FILIP1L: variants seen among roughly 807,000 people sequenced by gnomAD.
FILIP1L encodes the protein filamin A interacting protein 1 like.
In FILIP1L, 55 loss-of-function variants were observed where a neutral mutation model predicts 96.6. The ratio of observed to expected loss-of-function variants is 0.57; its 90% confidence interval spans 0.46 to 0.71. The LOEUF is 0.71. Ranked by LOEUF, FILIP1L falls within the 30% of genes least tolerant of loss-of-function variation. The pLI, the probability that FILIP1L is intolerant of heterozygous loss-of-function variation, is 0.00. For missense variants in FILIP1L, 1,304 were observed against 1,321.2 expected, an observed-to-expected ratio of 0.99 and a Z score of 0.20; for synonymous variants, 467 against 473.9, an observed-to-expected ratio of 0.99 and a Z score of 0.19.
At chr3:99,954,185 A>G (rs1043500734) in intron 1 of FILIP1L, among the ~76,000 whole-genome samples, 1 of 152,242 alleles carries the variant, frequency 6.6e-6, no homozygotes, top group Non-Finnish European at 1.5e-5. Flanking sequence ...ACAAACTTGA[A>G]GATCAGGAAG....
At chr3:100,008,796 C>T (rs1383824274) in intron 1 of FILIP1L, among the ~76,000 whole-genome samples, 1 of 152,088 alleles carries the variant, frequency 6.6e-6, no homozygotes, top group East Asian at 1.9e-4. Flanking sequence ...ATTTTGCGTG[C>T]AGAAATAGCA....
intron 1 of FILIP1L, among the ~76,000 whole-genome samples, chr3:100,011,984 G>A (rs1225387552): frequency 2.6e-5 from 4 of 152,162 alleles, no homozygotes; most frequent in East Asian, 3.9e-4. Flanking sequence ...CTGATATTTC[G>A]ATTATGATAA....
chr3:100,084,612 A>ATG (rs1281824662), intron 1 of FILIP1L, among the ~76,000 whole-genome samples: 1 of 152,186 alleles, frequency 6.6e-6, no homozygotes, highest in African/African-American at 2.4e-5. Flanking sequence ...AGAGGAACTG[A>ATG]TGTGGTTTTA....
At chr3:99,993,693 C>T (rs963328483) in intron 1 of FILIP1L, among the ~76,000 whole-genome samples, 3 of 152,042 alleles carry the variant, frequency 2.0e-5, no homozygotes, top group Non-Finnish European at 4.4e-5. Context: ...TAAAAGGATG[C>T]TGAATTTTAT....
intron 1 of FILIP1L, among the ~76,000 whole-genome samples, chr3:100,087,832 CTTT>C (rs755041519): frequency 6.1e-5 from 7 of 114,114 alleles, no homozygotes; most frequent in Admixed American, 9.6e-5. Context: ...ATTGTTTCAA[CTTT>C]TTTTTTTTTT....
In FILIP1L at chr3:99,924,150, T is replaced by C. The variant is rs74770467; in HGVS notation, c.605+80A>G. 3.2e-4 allele frequency: 368 copies of C among 1,164,326 alleles called. No homozygotes were observed. In the African/African-American group the frequency reaches 5.1e-3, roughly 16 times the overall value. 72.1% of individuals were successfully genotyped at this position (1,164,326 alleles called of 1,614,324 possible). ...GAGAACAGAGACTGTGTCATATTTA[T>C]CTTTGTATCCCTGAGACCTGGTACA... On this transcript the variant is annotated intron_variant, in intron 4 of 5. Coordinates refer to ENST00000477258, the MANE Select transcript of FILIP1L (RefSeq NM_001387850.1).
rs1367890707 is a variant in FILIP1L at position 99,849,884 on chromosome 3, T to C, written c.1792A>G (p.Ile598Val). 6.2e-7 allele frequency: 1 copy of C among 1,611,802 alleles called. No homozygotes were observed. The highest frequency in any genetic ancestry group is 8.5e-7 in the Non-Finnish European group (1 of 1,179,590). ...TTGTTTTTTAGGAAATCTTTCTCAA[T>C]TGCTTCCAATGATTGAAGCCTATTT... is the stretch of plus-strand genomic sequence containing the variant. Reference protein sequence around the residue: ...LKNRLQSLEAIEKDFLKNKLN... With the variant: ...LKNRLQSLEAVEKDFLKNKLN... The change falls in exon 5 of 6, where the codon ATT becomes GTT. Residue 598 changes from isoleucine to valine, a missense_variant. Physicochemically the swap from Ile to Val is conservative, Grantham distance 29. Coordinates refer to ENST00000477258, the MANE Select transcript of FILIP1L (RefSeq NM_001387850.1).
At chr3:99,966,919 T>C (rs1021424693) in intron 1 of FILIP1L, among the ~76,000 whole-genome samples, 1 of 152,054 alleles carries the variant, frequency 6.6e-6, no homozygotes, top group African/African-American at 2.4e-5. Context: ...TGGGTGAAAA[T>C]AGATGGAGTA....
chr3:100,047,003 A>G (rs533030185), intron 1 of FILIP1L, among the ~76,000 whole-genome samples: 41 of 152,382 alleles, frequency 2.7e-4, no homozygotes, highest in Admixed American at 2.4e-3. Context: ...ATAATTGACT[A>G]TCAACAGTGC....
intron 1 of FILIP1L, among the ~76,000 whole-genome samples, chr3:99,999,045 C>T (rs1273541489): frequency 2.0e-5 from 3 of 152,206 alleles, no homozygotes; most frequent in Non-Finnish European, 2.9e-5. Flanking sequence ...TTCCGTGCCT[C>T]CCATAGGCAC....
intron 4 of FILIP1L, among the ~76,000 whole-genome samples, chr3:99,865,055 G>T (rs1349638794): frequency 6.6e-6 from 1 of 152,086 alleles, no homozygotes; most frequent in African/African-American, 2.4e-5. Context: ...TTTGAAATAG[G>T]TACCATATTT....
chr3:100,091,034 C>A (rs764918566), intron 1 of FILIP1L, among the ~76,000 whole-genome samples: 28 of 152,234 alleles, frequency 1.8e-4, no homozygotes, highest in Admixed American at 2.0e-4. Context: ...GCCTGTAATC[C>A]CAGAACTTTG....
rs997549365 is a variant in FILIP1L, at chr3:99,924,363, G to A, written c.472C>T (p.Leu158=). Residue 158 remains leucine, a synonymous_variant, in exon 4 of 6, where the codon CTG becomes TTG. Transcript: ENST00000477258. ...TTTTCTGCCACTAAAAGCTGTCCCA[G>A]GATTCGTCTGTAAGATTCTTTATGT... ...EKHKESYRRI[L]GQLLVAEKSR... The A allele has an allele frequency of 1.2e-6, 2 of 1,614,090 alleles. No individual in the cohort carries two copies. Among genetic ancestry groups the A allele is most frequent in the South Asian group, 1.1e-5 (1 of 91,056 alleles).
chr3:100,107,021 A>G (rs2066407393), intron 1 of FILIP1L, among the ~76,000 whole-genome samples: 1 of 152,182 alleles, frequency 6.6e-6, no homozygotes, highest in Non-Finnish European at 1.5e-5. Flanking sequence ...AAGAATAAAT[A>G]CTTATGGATT....
At chr3:99,858,020 A>G (rs954349749) in intron 4 of FILIP1L, among the ~76,000 whole-genome samples, 6 of 152,198 alleles carry the variant, frequency 3.9e-5, no homozygotes, top group African/African-American at 1.4e-4. Context: ...TTCCAGCACA[A>G]TTCAGTAAAG....
At chr3:99,936,623 C>T (rs543361896) in intron 1 of FILIP1L, among the ~76,000 whole-genome samples, 4 of 149,380 alleles carry the variant, frequency 2.7e-5, no homozygotes, top group African/African-American at 5.0e-5. Context: ...CTGCCTGCCT[C>T]GGCCTCCCAA....
intron 4 of FILIP1L, among the ~76,000 whole-genome samples, chr3:99,868,560 TAAG>T (rs1304039605): frequency 6.6e-6 from 1 of 152,208 alleles, no homozygotes; most frequent in Non-Finnish European, 1.5e-5. Flanking sequence ...AGCTTCAGGT[TAAG>T]AAGTGATGTT....
intron 1 of FILIP1L, among the ~76,000 whole-genome samples, chr3:99,937,873 T>G (rs1707729308): frequency 6.6e-6 from 1 of 152,240 alleles, no homozygotes; most frequent in African/African-American, 2.4e-5. Flanking sequence ...GTGCTTCAGT[T>G]CATTTATCTT....
At chr3:100,032,784 T>C (rs537308250) in intron 1 of FILIP1L, among the ~76,000 whole-genome samples, 4 of 152,324 alleles carry the variant, frequency 2.6e-5, no homozygotes, top group Admixed American at 6.5e-5. Flanking sequence ...GTAATGCAGT[T>C]GTGTGTAACA....
Sources: allele counts gnomAD v4.1 joint callset (sites outside exome capture counted in the v4.1 genomes callset), GRCh38; gene constraint gnomAD v4.1.1; transcripts MANE v1.5; gene names NCBI Gene and HGNC (gene_info 2026-07-23, HGNC 2026-07-21).